The following ATXN7 variants were observed in gnomAD, a reference collection of about 807,000 sequenced individuals.
ATXN7 encodes the protein ataxin-7.
ATXN7 carries 12 observed loss-of-function variants against 70.5 expected under a neutral mutation model. The observed-to-expected ratio is 0.17, with a 90% CI of 0.11 to 0.28. The LOEUF (loss-of-function observed/expected upper bound fraction) is 0.28. ATXN7 is among the 10% of genes least tolerant of loss of function. ATXN7 has a pLI of 1.00. For synonymous variants in ATXN7, 498 were observed against 448.7 expected (o/e 1.11, Z -1.39); for missense variants, 1,256 against 1,131.7 (o/e 1.11, Z -1.58).
chr3:63,921,294 A>T (rs916945440), intron 4 of ATXN7, among the ~76,000 whole-genome samples: 4 of 152,200 alleles, frequency 2.6e-5, no homozygotes, highest in African/African-American at 7.2e-5. Flanking sequence ...GATGTTTTCC[A>T]TAATCCTGAA....
Position 64,000,232 on chromosome 3 carries a change from G to A in ATXN7, c.*765G>A, listed in dbSNP as rs2075819697. The A allele has an allele frequency of 8.1e-6, 1 of 123,764 alleles. No homozygotes were observed. The highest frequency in any genetic ancestry group is 2.7e-4 in the South Asian group (1 of 3,646). 7.7% of individuals were successfully genotyped at this position (123,764 alleles called of 1,614,324 possible). A position where few individuals can be genotyped will look rare whatever the true frequency, so the allele number is the denominator to read the frequency against. ...AATTCTGTGTGATTTTTTTTTTTAA[G>A]AAGAAAGAAAATGCAAGCTAGTTTT... On this transcript the variant is annotated 3_prime_UTR_variant, in exon 13 of 13. Transcript: ENST00000674280.
At chr3:63,934,797 T>C (rs542252881) in intron 4 of ATXN7, among the ~76,000 whole-genome samples, 1 of 152,322 alleles carries the variant, frequency 6.6e-6, no homozygotes, top group South Asian at 2.1e-4. Context: ...CGAGAATGCT[T>C]TAATTAATGT....
At chr3:63,878,752 G>C (rs1702820664) in intron 1 of ATXN7, among the ~76,000 whole-genome samples, 1 of 152,176 alleles carries the variant, frequency 6.6e-6, no homozygotes, top group Non-Finnish European at 1.5e-5. Context: ...AGTGTTACTG[G>C]AGTCTAGTGA....
chr3:63,911,980 T>A (rs1704031880), intron 2 of ATXN7: 1 of 152,260 alleles, frequency 6.6e-6, no homozygotes, highest in South Asian at 2.1e-4. Context: ...CATTTCCGAC[T>A]TCGCCCTGGC....
At chr3:63,924,106 G>T (rs1704611080) in intron 4 of ATXN7, among the ~76,000 whole-genome samples, 1 of 152,174 alleles carries the variant, frequency 6.6e-6, no homozygotes, top group South Asian at 2.1e-4. Flanking sequence ...TCCTGTTCAG[G>T]ATACGTTTGG....
At chr3:63,868,522 G>C (rs1702501832) in intron 1 of ATXN7, among the ~76,000 whole-genome samples, 1 of 152,206 alleles carries the variant, frequency 6.6e-6, no homozygotes, top group African/African-American at 2.4e-5. Flanking sequence ...AAATTGGTGT[G>C]ATGAAGATAT....
chr3:63,871,709 T>C (rs1702596226), intron 1 of ATXN7, among the ~76,000 whole-genome samples: 1 of 152,170 alleles, frequency 6.6e-6, no homozygotes, highest in African/African-American at 2.4e-5. Context: ...GATGGAACTT[T>C]TAGAATAGGG....
chr3:63,951,297 C>T (rs1341501048), intron 4 of ATXN7, among the ~76,000 whole-genome samples: 1 of 152,018 alleles, frequency 6.6e-6, no homozygotes, highest in African/African-American at 2.4e-5. Flanking sequence ...CACTTGACAT[C>T]TCCTTAAGGA....
chr3:63,956,295 G>A (rs1271002469), intron 5 of ATXN7, among the ~76,000 whole-genome samples: 1 of 151,878 alleles, frequency 6.6e-6, no homozygotes, highest in Non-Finnish European at 1.5e-5. Context: ...GCCAGGCGTG[G>A]TGGCGTGCGC....
rs1267101464 is a variant in ATXN7, at chr3:63,963,448, C to CAGTG, written c.499+10968_499+10969insGAGT. Among the ~76,000 whole-genome samples the CAGTG allele has an allele frequency of 3.3e-5, 5 of 152,306 alleles. No homozygotes were observed. The East Asian group carries it at 9.6e-4, about 29-fold the overall frequency. On this transcript the variant is annotated intron_variant, in intron 5 of 12. Transcript: ENST00000674280. Reference sequence around the variant, plus strand: ...ACTTACCTGCCTTCTCTAACTGTAGCAGTCCATGCTACGCTATAAATCATA... The same window carrying CAGTG: ...ACTTACCTGCCTTCTCTAACTGTAGCAGTGAGTCCATGCTACGCTATAAATCATA...
At chr3:63,983,156 A>T (rs1201153512) in intron 8 of ATXN7, 135 bp downstream of exon 8, 1 of 712,460 alleles carries the variant, frequency 1.4e-6, no homozygotes. Flanking sequence ...AGGTGAAGGA[A>T]TAACTTGGTT....
intron 4 of ATXN7, among the ~76,000 whole-genome samples, chr3:63,934,479 A>G (rs1038351051): frequency 6.6e-6 from 1 of 152,146 alleles, no homozygotes; most frequent in African/African-American, 2.4e-5. Context: ...GTGGGGCACT[A>G]GGAAAGAGAT....
chr3:63,999,694 A>C lies in ATXN7; in HGVS notation c.*227A>C. The C allele has an allele frequency of 1.3e-6, 1 of 750,788 alleles. No homozygotes were observed. The highest frequency in any genetic ancestry group is 2.2e-6 in the Non-Finnish European group (1 of 445,980). The allele number at this position is 750,788 out of a possible 1,614,324, so 46.5% of individuals were successfully genotyped here. ...ACACTGGATCAAGTTCAGCCACCGA[A>C]TTGCTTTTATCAGTGTTAAAGTGGT... On this transcript the variant is annotated 3_prime_UTR_variant, in exon 13 of 13. Coordinates refer to ENST00000674280, the MANE Select transcript of ATXN7 (RefSeq NM_001377405.1).
intron 4 of ATXN7, among the ~76,000 whole-genome samples, chr3:63,930,978 C>T (rs900253000): frequency 8.5e-5 from 13 of 152,194 alleles, no homozygotes; most frequent in South Asian, 6.2e-4. Flanking sequence ...TGTTGATTGC[C>T]GTATGTGGCT....
chr3:63,917,553 T>A (rs1248245287), intron 4 of ATXN7, among the ~76,000 whole-genome samples: 3 of 151,042 alleles, frequency 2.0e-5, no homozygotes, highest in Non-Finnish European at 4.5e-5. Context: ...AAATGACATC[T>A]TCTTTGGGAA....
intron 2 of ATXN7, among the ~76,000 whole-genome samples, chr3:63,900,144 C>T (rs985102656): frequency 1.3e-5 from 2 of 152,078 alleles, no homozygotes; most frequent in South Asian, 4.1e-4. Flanking sequence ...AATGAGATAA[C>T]CTTTAAGTTA....
chr3:63,941,887 T>G (rs1360696490), intron 4 of ATXN7, among the ~76,000 whole-genome samples: 1 of 152,220 alleles, frequency 6.6e-6, no homozygotes, highest in African/African-American at 2.4e-5. Context: ...TTTAAAACTT[T>G]AAAAATATCA....
At chr3:63,998,348 A>ATG (rs764664875) in intron 12 of ATXN7, 42 of 984,970 alleles carry the variant, frequency 4.3e-5, no homozygotes, top group Middle Eastern at 5.2e-4. Flanking sequence ...GTTGAGATAT[A>ATG]TGTGTGTGTG....
At chr3:63,886,250 TGGG>T (rs1255526664) in intron 1 of ATXN7, among the ~76,000 whole-genome samples, 1 of 152,054 alleles carries the variant, frequency 6.6e-6, no homozygotes, top group East Asian at 1.9e-4. Context: ...GGCTGGGAGT[TGGG>T]GGAGTGGTGA....
Sources: allele counts gnomAD v4.1 joint callset (sites outside exome capture counted in the v4.1 genomes callset), GRCh38; gene constraint gnomAD v4.1.1; transcripts MANE v1.5; gene names NCBI Gene and HGNC (gene_info 2026-07-23, HGNC 2026-07-21).